Variants in PGAP4 observed in about 807,000 individuals in gnomAD.
PGAP4 encodes GPI-N-acetylgalactosamine transferase PGAP4.
PGAP4 carries 12 observed loss-of-function variants against 28.2 expected under a neutral mutation model. The ratio of observed to expected loss-of-function variants is 0.42; its 90% CI spans 0.27 to 0.69. PGAP4 has a LOEUF of 0.69. Among genes scored for constraint, PGAP4 ranks in the 30% least tolerant of loss-of-function variants. PGAP4 has a pLI of 0.22. For synonymous variants in PGAP4, 205 were observed against 211.8 expected (o/e 0.97, Z 0.28); for missense variants, 425 against 513.5 (o/e 0.83, Z 1.67).
At chr9:101,494,983 G>A (rs1269983107) in intron 2 of PGAP4, among the ~76,000 whole-genome samples, 2 of 147,980 alleles carry the variant, frequency 1.4e-5, no homozygotes, top group Non-Finnish European at 3.0e-5. Context: ...AATTATCACT[G>A]ATAACATTAG....
chr9:101,504,862 A>G (rs559504331), intron 2 of PGAP4, among the ~76,000 whole-genome samples: 4 of 152,176 alleles, frequency 2.6e-5, no homozygotes, highest in African/African-American at 9.6e-5. Context: ...CCAAGCCACA[A>G]CTTGGCTGGT....
chr9:101,513,793 G>A (rs1404088242), intron 2 of PGAP4, among the ~76,000 whole-genome samples: 1 of 152,090 alleles, frequency 6.6e-6, no homozygotes, highest in Non-Finnish European at 1.5e-5. Flanking sequence ...AAGACCCTGG[G>A]ATGGCAATAT....
chr9:101,524,489 G>A (rs559908249), intron 2 of PGAP4, among the ~76,000 whole-genome samples: 5 of 152,092 alleles, frequency 3.3e-5, no homozygotes, highest in East Asian at 1.9e-4. Context: ...TTCTGGCCAC[G>A]AGGCTTCTCA....
chr9:101,529,142 G>T (rs1341290213), intron 2 of PGAP4, among the ~76,000 whole-genome samples: 1 of 147,866 alleles, frequency 6.8e-6, no homozygotes, highest in Non-Finnish European at 1.5e-5. Context: ...TAGCTGCATG[G>T]TGTCTCTCGG....
At chr9:101,507,452 T>C (rs1048373051) in intron 2 of PGAP4, among the ~76,000 whole-genome samples, 4 of 152,064 alleles carry the variant, frequency 2.6e-5, no homozygotes, top group Non-Finnish European at 5.9e-5. Context: ...TTTGCAGGTG[T>C]TTAGGTTTAG....
At chr9:101,515,420 A>G (rs1826935659) in intron 2 of PGAP4, among the ~76,000 whole-genome samples, 1 of 152,158 alleles carries the variant, frequency 6.6e-6, no homozygotes, top group African/African-American at 2.4e-5. Context: ...CCCTTTTGCC[A>G]TATAAGGTTT....
At chr9:101,493,759 AC>A (rs1480675760) in intron 2 of PGAP4, among the ~76,000 whole-genome samples, 1 of 152,118 alleles carries the variant, frequency 6.6e-6, no homozygotes, top group African/African-American at 2.4e-5. Flanking sequence ...AGTTTGGTGA[AC>A]TTTTGTACAG....
intron 2 of PGAP4, among the ~76,000 whole-genome samples, chr9:101,508,531 G>A (rs1826868707): frequency 6.6e-6 from 1 of 152,040 alleles, no homozygotes; most frequent in African/African-American, 2.4e-5. Context: ...CAGCTTTCAT[G>A]CCAAAACTAT....
chr9:101,500,748 G>A (rs1826790127), intron 2 of PGAP4, among the ~76,000 whole-genome samples: 1 of 151,980 alleles, frequency 6.6e-6, no homozygotes, highest in African/African-American at 2.4e-5. Flanking sequence ...CTCAGGAAAG[G>A]GAGGAGACAG....
At chr9:101,512,349 A>G (rs2118612497) in intron 2 of PGAP4, among the ~76,000 whole-genome samples, 1 of 152,292 alleles carries the variant, frequency 6.6e-6, no homozygotes, top group South Asian at 2.1e-4. Flanking sequence ...ACCCTGAGCC[A>G]ACATGCTCTC....
intron 2 of PGAP4, among the ~76,000 whole-genome samples, chr9:101,521,971 C>T (rs1355987503): frequency 6.6e-6 from 1 of 152,012 alleles, no homozygotes; most frequent in Non-Finnish European, 1.5e-5. Flanking sequence ...ATTTTTGACC[C>T]AATGCTCATT....
intron 2 of PGAP4, among the ~76,000 whole-genome samples, chr9:101,505,700 A>T (rs2417271): frequency 0.038 from 5,808 of 152,180 alleles, 163 homozygotes; most frequent in Admixed American, 0.077. Context: ...ACCTAGGGCT[A>T]TAGTTAAAGA....
chr9:101,477,231 CA>C, intron 1 of PGAP4, 62 bp from the exon 2 acceptor site: 2 of 1,304,724 alleles, frequency 1.5e-6, no homozygotes, highest in East Asian at 2.6e-5. Context: ...AACAAACAAA[CA>C]AAAAAACAAA....
At chr9:101,533,313 G>C (rs1478946813) in exon 1 of PGAP4, 2 of 152,274 alleles carry the variant, frequency 1.3e-5, no homozygotes, top group East Asian at 1.9e-4. Flanking sequence ...CTTTTGTCCA[G>C]GCCAAGTGAT....
At chr9:101,500,590 A>G (rs2118592526) in intron 2 of PGAP4, among the ~76,000 whole-genome samples, 1 of 151,754 alleles carries the variant, frequency 6.6e-6, no homozygotes, top group South Asian at 2.1e-4. Context: ...TAGGAAATAG[A>G]TATCTTTGGG....
intron 2 of PGAP4, among the ~76,000 whole-genome samples, chr9:101,500,743 G>A (rs190272894): frequency 5.9e-5 from 9 of 152,126 alleles, no homozygotes; most frequent in African/African-American, 1.9e-4. Flanking sequence ...AGAAGCTCAG[G>A]AAAGGGAGGA....
Position 101,476,140 on chromosome 9 carries a change from C to T in PGAP4, c.953G>A (p.Arg318Gln), listed in dbSNP as rs773446003. The T allele has an allele frequency of 9.3e-6, 15 of 1,614,066 alleles. No individual in the cohort carries two copies. Among genetic ancestry groups the T allele is most frequent in the Non-Finnish European group, 1.3e-5 (15 of 1,179,958 alleles). Residue 318 changes from arginine (R) to glutamine (Q), a missense_variant, in exon 2 of 2, where the codon CGG becomes CAG. Transcript: ENST00000374848. The surrounding 1 kb of genome is among the most constrained non-coding windows in gnomAD (Gnocchi z 7.0). ...VGRHYFLELRRLSPSLYSVVP... is the reference protein window; with the variant it reads ...VGRHYFLELRQLSPSLYSVVP... ...CACACTGTACAGGGAAGGACTCAGC[C>T]GCCGCAGTTCCAGGAAATAGTGCCG...
At chr9:101,499,908 A>G (rs1432188305) in intron 2 of PGAP4, among the ~76,000 whole-genome samples, 1 of 152,056 alleles carries the variant, frequency 6.6e-6, no homozygotes, top group Non-Finnish European at 1.5e-5. Context: ...TGTAAGCACA[A>G]AGACATTCTA....
At chr9:101,504,622 T>A (rs1410522447) in intron 2 of PGAP4, among the ~76,000 whole-genome samples, 1 of 151,776 alleles carries the variant, frequency 6.6e-6, no homozygotes, top group African/African-American at 2.4e-5. Flanking sequence ...GTCCCAAGAG[T>A]TTGTTTGTGC....
Sources: gnomAD v4.1 joint callset for allele counts (sites outside exome capture counted in the v4.1 genomes callset) on GRCh38, gnomAD v4.1.1 for gene constraint, Gnocchi (gnomAD v3.1) non-coding constraint, MANE v1.5 for transcripts, NCBI Gene and HGNC (gene_info 2026-07-23, HGNC 2026-07-21) for gene names.